ABCA8: variants seen among roughly 807,000 people sequenced by gnomAD.
ABCA8 encodes ABC-type organic anion transporter ABCA8.
In ABCA8, 177 loss-of-function variants were observed where a neutral mutation model predicts 192.3. The ratio of observed to expected loss-of-function variants is 0.92; its 90% CI spans 0.81 to 1.04. ABCA8 has a LOEUF of 1.04. ABCA8 is among the 50% of genes least tolerant of loss of function. The pLI is 0.00. For missense variants in ABCA8, 1,915 were observed against 1,904.8 expected, an observed-to-expected ratio of 1.01 and a Z score of -0.10; for synonymous variants, 642 against 690.2, an observed-to-expected ratio of 0.93 and a Z score of 1.09.
intron 2 of ABCA8, among the ~76,000 whole-genome samples, chr17:68,948,108 G>A (rs983201453): frequency 6.6e-6 from 1 of 152,182 alleles, no homozygotes; most frequent in Admixed American, 6.5e-5. Context: ...GTATTCCATG[G>A]TGTATATGTG....
chr17:68,902,208 T>C (rs940016504), intron 21 of ABCA8, among the ~76,000 whole-genome samples: 1 of 152,192 alleles, frequency 6.6e-6, no homozygotes, highest in African/African-American at 2.4e-5. Flanking sequence ...ACATGTTGTA[T>C]GAGTCCAGTG....
At chr17:68,947,512 C>T (rs1451965194) in intron 2 of ABCA8, among the ~76,000 whole-genome samples, 1 of 152,108 alleles carries the variant, frequency 6.6e-6, no homozygotes, top group Non-Finnish European at 1.5e-5. Flanking sequence ...CAGTTTGTAA[C>T]ACATGGAAGA....
At chr17:68,875,792 T>TA in intron 35 of ABCA8, 59 bp from the exon 36 acceptor site, 3 of 1,552,670 alleles carry the variant, frequency 1.9e-6, no homozygotes, top group Non-Finnish European at 2.6e-6. Context: ...CAGAAAGAGA[T>TA]AGAGAAAAGA....
chr17:68,875,195 C>T, intron 37 of ABCA8, 65 bp downstream of exon 37: 1 of 1,591,944 alleles, frequency 6.3e-7, no homozygotes, highest in Non-Finnish European at 8.6e-7. Flanking sequence ...ATGACTATCA[C>T]TCAACATAAC....
At chr17:68,898,489 C>T (rs1172679056) in intron 21 of ABCA8, among the ~76,000 whole-genome samples, 1 of 151,932 alleles carries the variant, frequency 6.6e-6, no homozygotes, top group African/African-American at 2.4e-5. Flanking sequence ...AGCAAATAAC[C>T]CCAGATGGCA....
In ABCA8 at chr17:68,921,403, C is replaced by T. The variant is rs754528727; in HGVS notation, c.1591G>A (p.Gly531Arg). 3.7e-6 allele frequency: 6 copies of T among 1,609,824 alleles called. No individual in the cohort carries two copies. The Admixed American group carries it at 8.4e-5, about 22-fold the overall frequency. Residue 531 changes from glycine (G) to arginine (R), a missense_variant, in exon 13 of 40, where the codon GGG becomes AGG. Transcript: ENST00000586539. ...GTACCTTTGGTGGGAACAGACAACCCACTAAGAATGTTTAGCAGTGTTGAC... is the reference window on the plus strand; with the variant it reads ...GTACCTTTGGTGGGAACAGACAACCTACTAAGAATGTTTAGCAGTGTTGAC... ...GKSTLLNILS[G>R]LSVPTKGSVT...
chr17:68,941,643 C>G (rs935370267), intron 3 of ABCA8, among the ~76,000 whole-genome samples: 3 of 152,146 alleles, frequency 2.0e-5, no homozygotes, highest in Non-Finnish European at 4.4e-5. Context: ...TAACCCTAGT[C>G]TCCATGACTG....
At chr17:68,907,973 A>G in intron 17 of ABCA8, 94 bp from the exon 18 acceptor site, 1 of 1,126,078 alleles carries the variant, frequency 8.9e-7, no homozygotes, top group South Asian at 3.1e-5. Flanking sequence ...GACAAAGAAA[A>G]TCAATTAAAA....
chr17:68,941,922 C>T lies in ABCA8; in HGVS notation c.96+17G>A, dbSNP rs371984186. 1.3e-4 allele frequency: 206 copies of T among 1,535,980 alleles called. No individual in the cohort carries two copies. Among genetic ancestry groups the T allele is most frequent in the Admixed American group, 5.6e-4 (33 of 58,468 alleles). On this transcript the variant is annotated intron_variant, in intron 3 of 39. Transcript: ENST00000586539. ...TTCCTATCATAAATAGAGAATAACA[C>T]GGATATTGAGTCATACCATTAAGGA...
chr17:68,880,962 GT>G (rs1283008329), intron 32 of ABCA8, 157 bp downstream of exon 32: 1 of 644,566 alleles, frequency 1.6e-6, no homozygotes, highest in African/African-American at 1.8e-5. Flanking sequence ...TAGCTTTTGT[GT>G]GCATTTATGT....
Position 68,907,763 on chromosome 17 carries a change from A to C in ABCA8, c.2255T>G (p.Leu752Ter). ...ACCTGGAAATTTATTTGTTCTTTCT[A>C]AGGGTAATGTATAAATAAGTTTTCC... Reference protein sequence around the residue: ...SEGKLIYTLPLERTNKFPELY... With the variant: ...SEGKLIYTLP The change falls in exon 18 of 40, where the codon TTA becomes TGA. Residue 752 changes from leucine to a stop codon, truncating the protein, a stop_gained. Transcript: ENST00000586539. LOFTEE classifies it high-confidence loss of function. The C allele has an allele frequency of 6.2e-7, 1 of 1,600,578 alleles. No individual in the cohort carries two copies. Among genetic ancestry groups the C allele is most frequent in the Non-Finnish European group, 8.5e-7 (1 of 1,175,036 alleles).
intron 2 of ABCA8, 61 bp from the exon 3 acceptor site, chr17:68,942,100 T>A: frequency 7.9e-7 from 1 of 1,268,134 alleles, no homozygotes; most frequent in Non-Finnish European, 1.1e-6. Context: ...AAAAGAAATA[T>A]CCTGCAAACA....
intron 24 of ABCA8, among the ~76,000 whole-genome samples, chr17:68,890,550 G>T (rs893450092): frequency 1.3e-5 from 2 of 151,538 alleles, no homozygotes; most frequent in African/African-American, 4.9e-5. Flanking sequence ...ATGGAGTCTC[G>T]GTCTGTTGCC....
Position 68,885,204 on chromosome 17 carries a change from A to G in ABCA8, c.3541T>C (p.Ser1181Pro), listed in dbSNP as rs1446126697. Residue 1181 changes from serine (S) to proline (P), a missense_variant, in exon 27 of 40, where the codon TCT becomes CCT. Transcript: ENST00000586539. Reference protein sequence around the residue: ...PATMIGCLFLSSHLLFSSLFS... With the variant: ...PATMIGCLFLPSHLLFSSLFS... ...ACTGTGTCATTACTTACATGAGAAGATAAGAACAAACAGCCAATCATTGTG... is the reference window on the plus strand; with the variant it reads ...ACTGTGTCATTACTTACATGAGAAGGTAAGAACAAACAGCCAATCATTGTG... 2 of 1,613,220 alleles carry G rather than the reference A, an allele frequency of 1.2e-6. No individual in the cohort carries two copies. The highest frequency in any genetic ancestry group is 1.7e-6 in the Non-Finnish European group (2 of 1,179,568).
intron 2 of ABCA8, among the ~76,000 whole-genome samples, chr17:68,948,034 T>G (rs569831892): frequency 6.6e-6 from 1 of 152,232 alleles, no homozygotes; most frequent in Non-Finnish European, 1.5e-5. Context: ...CTGAGAATGA[T>G]GGCTTCCAGC....
intron 20 of ABCA8, 144 bp downstream of exon 20, chr17:68,903,157 C>T: frequency 1.1e-6 from 1 of 906,882 alleles, no homozygotes; most frequent in Non-Finnish European, 1.6e-6. Flanking sequence ...CTGCCTCTCT[C>T]CTGTGCTTCT....
At chr17:68,923,485 C>T (rs1043079580) in intron 11 of ABCA8, among the ~76,000 whole-genome samples, 11 of 152,102 alleles carry the variant, frequency 7.2e-5, no homozygotes, top group African/African-American at 2.7e-4. Flanking sequence ...CAGGTGTGAG[C>T]CACCGCTCCT....
At chr17:68,907,986 T>C in intron 17 of ABCA8, 107 bp from the exon 18 acceptor site, 1 of 1,081,622 alleles carries the variant, frequency 9.2e-7, no homozygotes, top group Non-Finnish European at 1.2e-6. Flanking sequence ...AATTAAAATC[T>C]AATGCCAGAA....
intron 23 of ABCA8, among the ~76,000 whole-genome samples, chr17:68,893,743 T>G (rs1021334819): frequency 2.0e-5 from 3 of 150,690 alleles, no homozygotes; most frequent in Non-Finnish European, 4.4e-5. Context: ...TTCCTTTTCT[T>G]TTTTTATTAT....
Sources: allele counts gnomAD v4.1 joint callset (sites outside exome capture counted in the v4.1 genomes callset), GRCh38; gene constraint gnomAD v4.1.1; transcripts MANE v1.5; gene names NCBI Gene and HGNC (gene_info 2026-07-23, HGNC 2026-07-21).